Variants in CCDC88A observed in about 807,000 individuals in gnomAD.
The protein encoded by CCDC88A is girdin.
CCDC88A carries 54 observed loss-of-function variants against 234.3 expected under a neutral mutation model. That is an observed-to-expected ratio of 0.23 (90% CI 0.19 to 0.29). The LOEUF (loss-of-function observed/expected upper bound fraction) is 0.29, where lower values mean the gene tolerates loss of function less well. CCDC88A is among the 10% of genes least tolerant of loss of function. CCDC88A has a pLI of 1.00. For synonymous variants in CCDC88A, 753 were observed against 737.8 expected, an observed-to-expected ratio of 1.02 and a Z score of -0.33; for missense variants, 1,832 against 2,123.4, an observed-to-expected ratio of 0.86 and a Z score of 2.70.
At position 55,374,784 on chromosome 2, in the gene CCDC88A, T is replaced by G. The variant is rs1195195283; in HGVS notation, c.343+30A>C. 6 of 1,389,426 alleles carry G rather than the reference T, an allele frequency of 4.3e-6. No individual in the cohort carries two copies. The African/African-American group carries it at 8.5e-5, about 20-fold the overall frequency. 86.1% of individuals were successfully genotyped at this position (1,389,426 alleles called of 1,614,324 possible). A position where few individuals can be genotyped will look rare whatever the true frequency, so the allele number is the denominator to read the frequency against. Reference sequence around the variant, plus strand: ...CATAGTATTACACAAAGGTTAGACATTACTTTCACAGCTTAATTTTAATAC... The same window carrying G: ...CATAGTATTACACAAAGGTTAGACAGTACTTTCACAGCTTAATTTTAATAC... On this transcript the variant is annotated intron_variant, in intron 4 of 32. Transcript: ENST00000436346.
chr2:55,295,403 G>T, intron 31 of CCDC88A, 194 bp downstream of exon 31: 2 of 1,547,510 alleles, frequency 1.3e-6, no homozygotes, highest in Non-Finnish European at 1.7e-6. Flanking sequence ...CCAACATTCC[G>T]AATGCATCAC....
In CCDC88A at chr2:55,301,906, T is replaced by G. The variant is rs751566387; in HGVS notation, c.4638A>C (p.Ala1546=). ...AINFSTVNSS[A]GFRSKQLVNN... is the part of the protein sequence containing the mutation. ...TAACCAACTGCTTGGATCTGAAGCC[T>G]GCAGAAGAGTTGACAGTTGAAAAGT... Residue 1546 remains alanine (A), a synonymous_variant, in exon 27 of 33, where the codon GCA becomes GCC. Coordinates refer to ENST00000436346, the MANE Select transcript of CCDC88A (RefSeq NM_001365480.1). 6.2e-7 allele frequency: 1 copy of G among 1,614,196 alleles called. No individual in the cohort carries two copies. Among genetic ancestry groups the G allele is most frequent in the South Asian group, 1.1e-5 (1 of 91,086 alleles).
chr2:55,371,027 TCTG>T (rs1310462541), intron 5 of CCDC88A, among the ~76,000 whole-genome samples: 2 of 152,032 alleles, frequency 1.3e-5, no homozygotes, highest in Non-Finnish European at 2.9e-5. Flanking sequence ...GGTCCTTGGT[TCTG>T]CTCCATTCCT....
At chr2:55,411,544 T>C in intron 2 of CCDC88A, among the ~76,000 whole-genome samples, 1 of 151,028 alleles carries the variant, frequency 6.6e-6, no homozygotes, top group African/African-American at 2.4e-5. Flanking sequence ...TTTGGGAGGC[T>C]CAGGTGGACA....
chr2:55,415,383 TG>T (rs1339424183), intron 2 of CCDC88A, among the ~76,000 whole-genome samples: 2 of 152,174 alleles, frequency 1.3e-5, no homozygotes, highest in Non-Finnish European at 2.9e-5. Flanking sequence ...CTGAAACAAC[TG>T]GGGGGAAAAA....
rs1558698516 is a variant in CCDC88A at position 55,339,676 on chromosome 2, ATTTACTCTTTACTGTTTTTACTATG to A, written c.1334-53_1334-29del. On this transcript the variant is annotated intron_variant, in intron 12 of 32. Coordinates refer to ENST00000436346, the MANE Select transcript of CCDC88A (RefSeq NM_001365480.1). ...ATAATATTGAAAAATACACCATTGTATTTACTCTTTACTGTTTTTACTATGTTTACTCTTTACTATTTAAAAAGTT... is the reference window on the plus strand; with the variant it reads ...ATAATATTGAAAAATACACCATTGTATTTACTCTTTACTATTTAAAAAGTT... 7.0e-6 allele frequency: 11 copies of A among 1,570,310 alleles called. No individual in the cohort carries two copies. In the Admixed American group the frequency reaches 1.0e-4, roughly 14 times the overall value.
chr2:55,347,434 T>G (rs1487253290), intron 9 of CCDC88A, among the ~76,000 whole-genome samples: 1 of 152,108 alleles, frequency 6.6e-6, no homozygotes, highest in Non-Finnish European at 1.5e-5. Context: ...GTGTGTGACA[T>G]CTTAACAGAC....
At chr2:55,404,573 T>C (rs1679241785) in intron 2 of CCDC88A, 1 of 151,916 alleles carries the variant, frequency 6.6e-6, no homozygotes, top group Non-Finnish European at 1.5e-5. Flanking sequence ...AGACAAAAAA[T>C]AGCCACACAT....
intron 2 of CCDC88A, among the ~76,000 whole-genome samples, chr2:55,396,272 T>A (rs1038628178): frequency 3.3e-5 from 5 of 152,220 alleles, no homozygotes; most frequent in African/African-American, 9.6e-5. Context: ...TATTTACAGT[T>A]ACATAAATTT....
Position 55,368,227 on chromosome 2 carries a change from C to G in CCDC88A, c.403-4194G>C, listed in dbSNP as rs576347058. Among the ~76,000 whole-genome samples, 12 of 152,198 alleles carry G rather than the reference C, an allele frequency of 7.9e-5. No individual in the cohort carries two copies. In the South Asian group the frequency reaches 2.5e-3, roughly 32 times the overall value. ...ACAGCCAATAACAAAAATACCCAAG[C>G]CCTGGCCTTGGATGGTTTTCTTCAT... On this transcript the variant is annotated intron_variant, in intron 5 of 32. Transcript: ENST00000436346.
At position 55,295,614 on chromosome 2, in the gene CCDC88A, T is replaced by G. The variant is rs766387202; in HGVS notation, c.5534A>C (p.Asn1845Thr). 6.2e-7 allele frequency: 1 copy of G among 1,614,094 alleles called. No individual in the cohort carries two copies. The highest frequency in any genetic ancestry group is 1.1e-5 in the South Asian group (1 of 91,080). Residue 1845 changes from asparagine (N) to threonine (T), a missense_variant, in exon 31 of 33, where the codon AAC becomes ACC. Asn to Thr is a moderately conservative substitution (Grantham distance 65). This residue lies in a region of CCDC88A where 422 missense variants were observed against 416.5 expected (regional missense o/e 1.01). Coordinates refer to ENST00000436346, the MANE Select transcript of CCDC88A (RefSeq NM_001365480.1). ...GTACTCACTAGATGCTGCAGTGGTG[T>G]TGCTGTCAGCAGCAGCTGGTGGTGA... ...VDSPPAAADS[N>T]TTAASNVDKV... is the part of the protein sequence containing the mutation.
chr2:55,412,673 T>G (rs1256985452), intron 2 of CCDC88A, among the ~76,000 whole-genome samples: 1 of 152,204 alleles, frequency 6.6e-6, no homozygotes, highest in Non-Finnish European at 1.5e-5. Context: ...CAGTCCTTGC[T>G]GCCAAAAAGG....
chr2:55,328,700 G>A lies in CCDC88A; in HGVS notation c.2856-265C>T, dbSNP rs937894298. The A allele has an allele frequency of 4.6e-5, 11 of 239,660 alleles. No homozygotes were observed. The highest frequency in any genetic ancestry group is 1.4e-4 in the South Asian group (1 of 7,002). 14.8% of individuals were successfully genotyped at this position (239,660 alleles called of 1,614,324 possible). ...GCAATAATTAATTCTCAAGGAACCCGGAAGACCAAAGTCCCAAAATATCCT... is the reference window on the plus strand; with the variant it reads ...GCAATAATTAATTCTCAAGGAACCCAGAAGACCAAAGTCCCAAAATATCCT... On this transcript the variant is annotated intron_variant, in intron 16 of 32. Transcript: ENST00000436346. The surrounding 1 kb of genome is among the most constrained non-coding windows in gnomAD (Gnocchi z 4.3).
At chr2:55,353,534 A>G (rs1387374215) in intron 8 of CCDC88A, among the ~76,000 whole-genome samples, 5 of 151,832 alleles carry the variant, frequency 3.3e-5, no homozygotes, top group Non-Finnish European at 7.4e-5. Context: ...TCTACCTTGC[A>G]TATTCAATCA....
At chr2:55,331,870 C>T (rs1462315228) in intron 16 of CCDC88A, 1 of 152,014 alleles carries the variant, frequency 6.6e-6, no homozygotes, top group African/African-American at 2.4e-5. Context: ...TTTAAGTCAA[C>T]ATTTTGGCAA....
intron 3 of CCDC88A, among the ~76,000 whole-genome samples, chr2:55,380,657 C>T (rs1392625645): frequency 6.6e-6 from 1 of 152,020 alleles, no homozygotes; most frequent in Non-Finnish European, 1.5e-5. Flanking sequence ...GCTCTGTCAC[C>T]CAGGCCAGAG....
intron 2 of CCDC88A, chr2:55,404,183 C>T (rs976114361): frequency 2.6e-5 from 4 of 152,150 alleles, no homozygotes; most frequent in African/African-American, 9.7e-5. Context: ...GATGAAAGCC[C>T]TTTAAAATGA....
rs375756097 is a variant in CCDC88A at position 55,334,141 on chromosome 2, C to T, written c.2680G>A (p.Val894Met). 2.2e-6 allele frequency: 3 copies of T among 1,338,038 alleles called. No homozygotes were observed. In the African/African-American group the frequency reaches 4.5e-5, roughly 20 times the overall value. 82.9% of individuals were successfully genotyped at this position (1,338,038 alleles called of 1,614,324 possible). A position where few individuals can be genotyped will look rare whatever the true frequency, so the allele number is the denominator to read the frequency against. Reference protein sequence around the residue: ...KELEKENKELVKRATIDIKTL... With the variant: ...KELEKENKELMKRATIDIKTL... ...TTTATATCAATAGTTGCTCTTTTCA[C>T]AAGCTCCTTATTTTCTTTTTCTAGT... Residue 894 changes from valine to methionine, a missense_variant, in exon 15 of 33, where the codon GTG (valine) becomes ATG (methionine). By Grantham distance (21) the Val-to-Met change is conservative. Around this residue, in one of 6 missense-constraint regions of CCDC88A, gnomAD observed 1,282 missense variants for 1,543.6 expected, o/e 0.83. Coordinates refer to ENST00000436346, the MANE Select transcript of CCDC88A (RefSeq NM_001365480.1). This position sits in a 1 kb window ranked among gnomAD's most constrained non-coding sequence, Gnocchi z 6.1.
Position 55,413,078 on chromosome 2 carries a change from C to T in CCDC88A, c.164+5738G>A, listed in dbSNP as rs563745593. Among the ~76,000 whole-genome samples, 10 of 152,114 alleles carry T rather than the reference C, an allele frequency of 6.6e-5. No individual in the cohort carries two copies. In the South Asian group the frequency reaches 1.0e-3, roughly 16 times the overall value. On this transcript the variant is annotated intron_variant, in intron 2 of 32. Coordinates refer to ENST00000436346, the MANE Select transcript of CCDC88A (RefSeq NM_001365480.1). ...AAAAAATTAGCCAGGTGCAGTAGCA[C>T]ATGCCTGCAGTCCCAGCTGCTTGGG...
Sources: gnomAD v4.1 joint callset for allele counts (sites outside exome capture counted in the v4.1 genomes callset) on GRCh38, gnomAD v4.1.1 for gene constraint, gnomAD v4.1.1 regional missense constraint, Gnocchi (gnomAD v3.1) non-coding constraint, MANE v1.5 for transcripts, NCBI Gene and HGNC (gene_info 2026-07-23, HGNC 2026-07-21) for gene names.